Variants in CACNA1H observed in about 807,000 individuals in gnomAD.
CACNA1H encodes calcium voltage-gated channel subunit alpha1 H, also known as voltage-dependent T-type calcium channel subunit alpha-1H.
A neutral mutation model predicts 192.5 loss-of-function variants in CACNA1H; 149 were observed. The observed-to-expected ratio is 0.77, with a 90% CI of 0.68 to 0.89. CACNA1H has a LOEUF of 0.89. CACNA1H is among the 40% of genes least tolerant of loss of function. The probability of loss-of-function intolerance (pLI) is 0.00; values close to 1 mark genes in which losing one functional copy is unlikely to be tolerated. For missense variants in CACNA1H, 4,257 were observed against 3,423.5 expected (o/e 1.24, Z -6.08); for synonymous variants, 2,202 against 1,475.2 (o/e 1.49, Z -11.29).
chr16:1,184,124 T>C (rs1965747125), intron 2 of CACNA1H, among the ~76,000 whole-genome samples: 1 of 152,158 alleles, frequency 6.6e-6, no homozygotes, highest in Non-Finnish European at 1.5e-5. Flanking sequence ...GCGGGACTGC[T>C]CTAGACCCCA....
At position 1,220,753 on chromosome 16, in the gene CACNA1H, G is replaced by T. The variant is rs973323974; in HGVS notation, c.6821G>T (p.Gly2274Val). The T allele has an allele frequency of 5.6e-6, 9 of 1,612,516 alleles. No individual in the cohort carries two copies. The highest frequency in any genetic ancestry group is 1.7e-5 in the Admixed American group (1 of 60,010). ...TTTGCCTTTGAGCCGCTGGACCTCG[G>T]GGTCCCCAGTGGAGACCCTTTCTTG... ...PSFAFEPLDL[G>V]VPSGDPFLDG... The change falls in exon 35 of 35, where the codon GGG becomes GTG. Residue 2274 changes from glycine to valine, a missense_variant. Gly to Val is a moderately radical substitution (Grantham distance 109). Coordinates refer to ENST00000348261, the MANE Select transcript of CACNA1H (RefSeq NM_021098.3).
chr16:1,153,974 C>T lies in CACNA1H; in HGVS notation c.237C>T (p.Val79=). Residue 79 remains valine, a synonymous_variant, in exon 2 of 35, where the codon GTC becomes GTT. Transcript: ENST00000348261. The part of the protein sequence containing the change: ...RVPYPALAAT[V]FFCLGQTTRP... The stretch of plus-strand genomic sequence containing the variant: ...CGTACCCGGCCTTGGCGGCCACGGT[C>T]TTCTTCTGCCTCGGTCAGACCACGC... 6 of 1,448,274 alleles carry T rather than the reference C, an allele frequency of 4.1e-6. No homozygotes were observed. The highest frequency in any genetic ancestry group is 3.1e-5 in the East Asian group (1 of 32,488). 89.7% of individuals were successfully genotyped at this position (1,448,274 alleles called of 1,614,324 possible). A position where few individuals can be genotyped will look rare whatever the true frequency, so the allele number is the denominator to read the frequency against.
rs542411662 is a variant in CACNA1H at position 1,218,060 on chromosome 16, C to T, written c.5445+20C>T. On this transcript the variant is annotated intron_variant, in intron 32 of 34. Transcript: ENST00000348261. ...ATGAAGGTACCCGCCGCGGCCATGC[C>T]TCTGGCACCTGGCAGCCCCAGCGGT... The T allele has an allele frequency of 3.8e-6, 6 of 1,592,540 alleles. No individual in the cohort carries two copies. Among genetic ancestry groups the T allele is most frequent in the Middle Eastern group, 1.7e-4 (1 of 6,018 alleles).
At position 1,176,827 on chromosome 16, in the gene CACNA1H, T is replaced by C. The variant is rs562352076; in HGVS notation, c.300-18145T>C. Among the ~76,000 whole-genome samples, 11 of 152,220 alleles carry C rather than the reference T, an allele frequency of 7.2e-5. No individual in the cohort carries two copies. The South Asian group carries it at 8.3e-4, about 11-fold the overall frequency. On this transcript the variant is annotated intron_variant, in intron 2 of 34. Transcript: ENST00000348261. Reference sequence around the variant, plus strand: ...CCTCTGTCCTGCCTCCCCTCGGCCCTTCCCCCGCGTCTCTTCACCCCAGGG... The same window carrying C: ...CCTCTGTCCTGCCTCCCCTCGGCCCCTCCCCCGCGTCTCTTCACCCCAGGG...
rs1458944334 is a variant in CACNA1H, at chr16:1,153,205, G to T, written c.-284G>T. 2 of 144,566 alleles carry T rather than the reference G, an allele frequency of 1.4e-5. No individual in the cohort carries two copies. The highest frequency in any genetic ancestry group is 5.0e-5 in the African/African-American group (2 of 40,262). The allele number at this position is 144,566 out of a possible 1,614,324, so 9.0% of individuals were successfully genotyped here. ...CCCGCGCCCCGCGCCCCGCGCCCCG[G>T]CCTCACCCGTCCGCTCAGCGGCCTC... On this transcript the variant is annotated 5_prime_UTR_variant, in exon 1 of 35. Coordinates refer to ENST00000348261, the MANE Select transcript of CACNA1H (RefSeq NM_021098.3).
chr16:1,206,773 G>T (rs1334038693), intron 12 of CACNA1H: 1 of 528,762 alleles, frequency 1.9e-6, no homozygotes. Flanking sequence ...TCCCGCCTCT[G>T]GTCTTGGTTC....
chr16:1,208,334 C>T (rs1969003275), intron 16 of CACNA1H, 113 bp downstream of exon 16: 2 of 746,956 alleles, frequency 2.7e-6, no homozygotes, highest in East Asian at 2.7e-5. Flanking sequence ...CCCTTGAAGT[C>T]CCAGCCTGTG....
intron 2 of CACNA1H, among the ~76,000 whole-genome samples, chr16:1,172,121 GGGGCCCC>G (rs1964426063): frequency 6.6e-6 from 1 of 152,158 alleles, no homozygotes; most frequent in African/African-American, 2.4e-5. Context: ...TGGGGTGGAC[GGGGCCCC>G]GGGCCGCAGG....
In CACNA1H at chr16:1,221,525, C is replaced by T. The variant is rs996498181; in HGVS notation, c.*531C>T. On this transcript the variant is annotated 3_prime_UTR_variant, in exon 35 of 35. Coordinates refer to ENST00000348261, the MANE Select transcript of CACNA1H (RefSeq NM_021098.3). ...CCGCTCGGGCCTTCCCAGAAGCGTC[C>T]TGTGACTCTGGGAGAGGTGACACCT... 8.7e-6 allele frequency: 4 copies of T among 461,256 alleles called. No homozygotes were observed. Among genetic ancestry groups the T allele is most frequent in the African/African-American group, 4.1e-5 (2 of 49,364 alleles). The allele number at this position is 461,256 out of a possible 1,614,324, so 28.6% of individuals were successfully genotyped here.
At position 1,207,458 on chromosome 16, in the gene CACNA1H, G is replaced by A. The variant is rs371014212; in HGVS notation, c.3063+28G>A. On this transcript the variant is annotated intron_variant, in intron 14 of 34. Transcript: ENST00000348261. ...GAGGGGGCAGGGAGAGGGGCTGCCA[G>A]GAGGAGGGCGATGAGAAGAGAGACG... is the stretch of plus-strand genomic sequence containing the variant. 80 of 1,606,458 alleles carry A rather than the reference G, an allele frequency of 5.0e-5. 1 individual carries two copies. The highest frequency in any genetic ancestry group is 1.7e-4 in the South Asian group (15 of 90,522).
Position 1,199,587 on chromosome 16 carries a change from C to T in CACNA1H, c.804-669C>T, listed in dbSNP as rs377319875. Reference sequence around the variant, plus strand: ...CATCCCCTCCCCACACCCCAGAGTCCGTCACACCTTACCCCAGGGTCTCCC... The same window carrying T: ...CATCCCCTCCCCACACCCCAGAGTCTGTCACACCTTACCCCAGGGTCTCCC... On this transcript the variant is annotated intron_variant, in intron 6 of 34. Coordinates refer to ENST00000348261, the MANE Select transcript of CACNA1H (RefSeq NM_021098.3). Among the ~76,000 whole-genome samples, 114 of 150,958 alleles carry T rather than the reference C, an allele frequency of 7.6e-4. 1 individual carries two copies. In the South Asian group the frequency reaches 0.013, roughly 17 times the overall value.
Position 1,207,052 on chromosome 16 carries a change from C to T in CACNA1H, c.2841C>T (p.Thr947=), listed in dbSNP as rs775833368. Residue 947 remains threonine, a synonymous_variant, in exon 13 of 35, where the codon ACC becomes ACT. Transcript: ENST00000348261. The part of the protein sequence containing the change: ...FGCKFSLKTD[T]GDTVPDRKNF... ...GCAAGTTCAGCCTGAAGACAGACACCGGAGACACCGTGCCTGACAGGAAGA... is the reference window on the plus strand; with the variant it reads ...GCAAGTTCAGCCTGAAGACAGACACTGGAGACACCGTGCCTGACAGGAAGA... 3.2e-5 allele frequency: 51 copies of T among 1,602,702 alleles called. No individual in the cohort carries two copies. In the Admixed American group the frequency reaches 3.6e-4, roughly 11 times the overall value.
At chr16:1,203,004 G>A (rs1242703444) in intron 9 of CACNA1H, among the ~76,000 whole-genome samples, 1 of 148,500 alleles carries the variant, frequency 6.7e-6, no homozygotes, top group Admixed American at 6.7e-5. Context: ...CCCCCAGATG[G>A]TAGGGTTCCA....
chr16:1,214,012 A>T (rs1969772197), intron 27 of CACNA1H, 81 bp downstream of exon 27: 2 of 1,246,234 alleles, frequency 1.6e-6, no homozygotes, highest in Non-Finnish European at 2.3e-6. Context: ...ACAACCCTGG[A>T]CCGGCGCTCC....
chr16:1,161,007 C>T (rs761866596), intron 2 of CACNA1H, among the ~76,000 whole-genome samples: 1 of 152,146 alleles, frequency 6.6e-6, no homozygotes, highest in Non-Finnish European at 1.5e-5. Flanking sequence ...GATCCGGAGG[C>T]CCCCACGCTG....
At position 1,220,659 on chromosome 16, in the gene CACNA1H, G is replaced by A. The variant is rs764148791; in HGVS notation, c.6727G>A (p.Asp2243Asn). 3 of 1,606,328 alleles carry A rather than the reference G, an allele frequency of 1.9e-6. No homozygotes were observed. The highest frequency in any genetic ancestry group is 2.2e-5 in the East Asian group (1 of 44,568). Residue 2243 changes from aspartate (D) to asparagine (N), a missense_variant, in exon 35 of 35, where the codon GAC (aspartate) becomes AAC (asparagine). By Grantham distance (23) the Asp-to-Asn change is conservative. Coordinates refer to ENST00000348261, the MANE Select transcript of CACNA1H (RefSeq NM_021098.3). ...CACAGAGGGCTCAGGCGCCGGGGGG[G>A]ACCCTGCAGCCAAGGGGGAGCGCTG... ...EPTEGSGAGG[D>N]PAAKGERWGQ...
intron 10 of CACNA1H, 62 bp downstream of exon 10, chr16:1,204,520 C>T (rs1021835534): frequency 3.8e-5 from 52 of 1,359,690 alleles, no homozygotes; most frequent in Non-Finnish European, 6.0e-6. Flanking sequence ...TGGGGAGTCT[C>T]AGGAGGCTTC....
chr16:1,216,932 G>A lies in CACNA1H; in HGVS notation c.5245G>A (p.Val1749Met). ...LDTVVQALPQ[V>M]GNLGLLFMLL... ...CCAGCTCTGCTTCTCTCTTGTGTAG[G>A]TGGGGAACCTGGGCCTTCTTTTCAT... is the stretch of plus-strand genomic sequence containing the variant. The change falls in exon 31 of 35, where the codon GTG (valine) becomes ATG (methionine). Residue 1749 changes from valine to methionine, a missense_variant and splice_region_variant. Transcript: ENST00000348261. 1.2e-6 allele frequency: 2 copies of A among 1,601,434 alleles called. No individual in the cohort carries two copies. The highest frequency in any genetic ancestry group is 1.7e-6 in the Non-Finnish European group (2 of 1,174,096).
intron 2 of CACNA1H, among the ~76,000 whole-genome samples, chr16:1,182,926 C>T (rs983413073): frequency 6.6e-6 from 1 of 152,070 alleles, no homozygotes. Flanking sequence ...CAGGAGTCGG[C>T]CACAGGGTCC....
Sources: allele counts gnomAD v4.1 joint callset (sites outside exome capture counted in the v4.1 genomes callset), GRCh38; gene constraint gnomAD v4.1.1; transcripts MANE v1.5; gene names NCBI Gene and HGNC (gene_info 2026-07-23, HGNC 2026-07-21).